SESTD1: variants seen among roughly 807,000 people sequenced by gnomAD.
The protein encoded by SESTD1 is SEC14 domain and spectrin repeat-containing protein 1.
SESTD1 carries 43 observed loss-of-function variants against 101.7 expected under a neutral mutation model. The observed-to-expected ratio is 0.42, with a 90% CI of 0.33 to 0.55. SESTD1 has a LOEUF of 0.55. Ranked by LOEUF, SESTD1 falls within the 20% of genes least tolerant of loss-of-function variation. The pLI, the probability that SESTD1 is intolerant of heterozygous loss-of-function variation, is 0.07. For missense variants in SESTD1, 647 were observed against 815.1 expected, an observed-to-expected ratio of 0.79 and a Z score of 2.51; for synonymous variants, 283 against 286.8, an observed-to-expected ratio of 0.99 and a Z score of 0.13.
intron 1 of SESTD1, among the ~76,000 whole-genome samples, chr2:179,234,103 TAGAA>T (rs2047025243): frequency 6.6e-6 from 1 of 152,066 alleles, no homozygotes; most frequent in Non-Finnish European, 1.5e-5. Context: ...AAAGCATGAG[TAGAA>T]CAAAAAGACT....
chr2:179,220,086 C>A (rs1422899929), intron 1 of SESTD1, among the ~76,000 whole-genome samples: 2 of 146,602 alleles, frequency 1.4e-5, no homozygotes, highest in Non-Finnish European at 3.0e-5. Flanking sequence ...AAGTCCTATA[C>A]TATATTTAAA....
chr2:179,262,453 C>CA (rs2047496928), intron 1 of SESTD1, among the ~76,000 whole-genome samples: 2 of 152,068 alleles, frequency 1.3e-5, no homozygotes, highest in Non-Finnish European at 2.9e-5. Context: ...TGCAGTGGTC[C>CA]AATCATGGCT....
At chr2:179,149,241 T>G in intron 7 of SESTD1, 56 bp downstream of exon 7, 1 of 1,246,196 alleles carries the variant, frequency 8.0e-7, no homozygotes, top group Non-Finnish European at 1.1e-6. Context: ...GAGATATCTT[T>G]TATCAGAATA....
intron 5 of SESTD1, 90 bp from the exon 6 acceptor site, chr2:179,151,481 G>T: frequency 1.3e-6 from 1 of 741,696 alleles, no homozygotes; most frequent in South Asian, 2.6e-5. Context: ...GTTAAAATAT[G>T]CAATATTGTT....
intron 7 of SESTD1, among the ~76,000 whole-genome samples, chr2:179,146,784 T>C (rs1461828833): frequency 3.9e-5 from 6 of 152,328 alleles, no homozygotes; most frequent in Middle Eastern, 3.4e-3. Flanking sequence ...AAAATGAAGT[T>C]TGTCATATAG....
chr2:179,146,619 T>C (rs945162047), intron 7 of SESTD1, among the ~76,000 whole-genome samples, 162 bp from the exon 8 acceptor site: 1 of 152,124 alleles, frequency 6.6e-6, no homozygotes, highest in Non-Finnish European at 1.5e-5. Context: ...AGGAAGCCCA[T>C]TAGGAAAAGT....
chr2:179,247,217 G>C (rs2047245963), intron 1 of SESTD1, among the ~76,000 whole-genome samples: 1 of 151,666 alleles, frequency 6.6e-6, no homozygotes, highest in African/African-American at 2.4e-5. Context: ...GATCAGATCA[G>C]GGTAGTTTTT....
intron 5 of SESTD1, among the ~76,000 whole-genome samples, chr2:179,163,792 G>A (rs1411317447): frequency 6.6e-6 from 1 of 152,092 alleles, no homozygotes; most frequent in East Asian, 1.9e-4. Flanking sequence ...GGTTCAACAA[G>A]TTTGAAGAGA....
At chr2:179,142,963 T>C (rs977415255) in intron 9 of SESTD1, among the ~76,000 whole-genome samples, 5 of 152,222 alleles carry the variant, frequency 3.3e-5, no homozygotes, top group Admixed American at 2.0e-4. Flanking sequence ...ATTTAAAAAC[T>C]AGGACGTTTC....
At chr2:179,122,121 C>T (rs1042786267) in intron 12 of SESTD1, among the ~76,000 whole-genome samples, 192 bp from the exon 13 acceptor site, 2 of 152,116 alleles carry the variant, frequency 1.3e-5, no homozygotes, top group Admixed American at 6.6e-5. Flanking sequence ...AAATGTAACT[C>T]GAATTGGAGC....
intron 1 of SESTD1, among the ~76,000 whole-genome samples, chr2:179,195,520 C>T (rs2105500993): frequency 6.6e-6 from 1 of 152,290 alleles, no homozygotes; most frequent in East Asian, 1.9e-4. Flanking sequence ...TAAATAGAAA[C>T]TTCAACTTAG....
At chr2:179,234,383 T>G (rs891948815) in intron 1 of SESTD1, among the ~76,000 whole-genome samples, 3 of 152,168 alleles carry the variant, frequency 2.0e-5, no homozygotes, top group African/African-American at 7.2e-5. Flanking sequence ...CTAAATAACA[T>G]TCACACTAAA....
At chr2:179,162,039 A>G (rs2105463335) in intron 5 of SESTD1, among the ~76,000 whole-genome samples, 1 of 152,316 alleles carries the variant, frequency 6.6e-6, no homozygotes, top group Non-Finnish European at 1.5e-5. Context: ...TTATAGGATT[A>G]TCATCCTTAT....
At chr2:179,228,138 A>T (rs2046917973) in intron 1 of SESTD1, among the ~76,000 whole-genome samples, 1 of 152,072 alleles carries the variant, frequency 6.6e-6, no homozygotes, top group Non-Finnish European at 1.5e-5. Flanking sequence ...CCAGACCCTC[A>T]CACTGTGTAA....
At chr2:179,139,341 A>G (rs2045225357) in intron 9 of SESTD1, among the ~76,000 whole-genome samples, 2 of 152,262 alleles carry the variant, frequency 1.3e-5, no homozygotes, top group South Asian at 4.2e-4. Context: ...AAACTTCCTG[A>G]TGCCTGATTT....
intron 5 of SESTD1, among the ~76,000 whole-genome samples, chr2:179,168,811 T>C (rs550163204): frequency 1.3e-5 from 2 of 152,330 alleles, no homozygotes; most frequent in South Asian, 4.1e-4. Flanking sequence ...AATGCAGCAA[T>C]GTAGTGTTTG....
intron 13 of SESTD1, 145 bp downstream of exon 13, chr2:179,121,621 ACAGT>A: frequency 2.0e-6 from 1 of 505,976 alleles, no homozygotes; most frequent in Non-Finnish European, 3.2e-6. Flanking sequence ...AAAATTATAT[ACAGT>A]AATTATCACA....
intron 1 of SESTD1, among the ~76,000 whole-genome samples, chr2:179,211,568 CACCCTACT>C (rs1202093202): frequency 1.5e-5 from 2 of 133,724 alleles, no homozygotes; most frequent in Admixed American, 1.5e-4. Context: ...GAGAAAAGGA[CACCCTACT>C]ACCCTACTAA....
intron 5 of SESTD1, among the ~76,000 whole-genome samples, chr2:179,170,671 A>C (rs2105473052): frequency 6.6e-6 from 1 of 152,320 alleles, no homozygotes; most frequent in South Asian, 2.1e-4. Flanking sequence ...AACAGATTCA[A>C]GATGAAGGCT....
Sources: allele counts gnomAD v4.1 joint callset (sites outside exome capture counted in the v4.1 genomes callset), GRCh38; gene constraint gnomAD v4.1.1; transcripts MANE v1.5; gene names NCBI Gene and HGNC (gene_info 2026-07-23, HGNC 2026-07-21).